The following STXBP5L variants were observed in gnomAD, a reference collection of about 807,000 sequenced individuals.
STXBP5L encodes the protein syntaxin binding protein 5L, also known as syntaxin-binding protein 5-like.
Under a neutral mutation model 144.5 loss-of-function variants are expected in STXBP5L, and 65 were observed. That is an observed-to-expected ratio of 0.45 (90% CI 0.37 to 0.55). STXBP5L has a LOEUF of 0.55. Ranked by LOEUF, STXBP5L falls within the 20% of genes least tolerant of loss-of-function variation. STXBP5L has a pLI of 0.00. For missense variants in STXBP5L, 1,298 were observed against 1,405.5 expected (o/e 0.92, Z 1.22); for synonymous variants, 505 against 469.6 (o/e 1.08, Z -0.97).
intron 19 of STXBP5L, among the ~76,000 whole-genome samples, chr3:121,299,793 C>A (rs1232772375): frequency 6.6e-6 from 1 of 151,790 alleles, no homozygotes; most frequent in Non-Finnish European, 1.5e-5. Flanking sequence ...TCAAGACCAG[C>A]CGGACCAACA....
chr3:120,945,428 T>G (rs938031412), intron 2 of STXBP5L, among the ~76,000 whole-genome samples: 2 of 151,838 alleles, frequency 1.3e-5, no homozygotes, highest in African/African-American at 4.8e-5. Context: ...ATTAATATTA[T>G]TAAGTGAAAC....
At chr3:120,970,694 G>C (rs911614796) in intron 3 of STXBP5L, among the ~76,000 whole-genome samples, 1 of 152,008 alleles carries the variant, frequency 6.6e-6, no homozygotes, top group Non-Finnish European at 1.5e-5. Flanking sequence ...ATACCTGGAC[G>C]ATGTCTTCTT....
At chr3:120,990,211 G>T (rs182114731) in intron 3 of STXBP5L, among the ~76,000 whole-genome samples, 123 of 152,238 alleles carry the variant, frequency 8.1e-4, no homozygotes, top group Middle Eastern at 3.4e-3. Context: ...ATTCACAATT[G>T]CTTCAAAGAG....
At chr3:120,960,355 T>G (rs1210605553) in intron 3 of STXBP5L, among the ~76,000 whole-genome samples, 1 of 152,158 alleles carries the variant, frequency 6.6e-6, no homozygotes, top group Non-Finnish European at 1.5e-5. Flanking sequence ...GTGTGGCGAT[T>G]CCTCAGGGAT....
chr3:121,207,460 A>C (rs903212116), intron 10 of STXBP5L, among the ~76,000 whole-genome samples: 1 of 152,230 alleles, frequency 6.6e-6, no homozygotes, highest in Admixed American at 6.5e-5. Flanking sequence ...AGCAATGGCA[A>C]TAAAAGCCAA....
rs140803521 is a variant in STXBP5L at position 121,157,037 on chromosome 3, A to G, written c.754-467A>G. ...AACCTGAAAATATAAAAGAAAATTT[A>G]AACCTTTCTTGCTTTAAATTGATTT... is the stretch of plus-strand genomic sequence containing the variant. On this transcript the variant is annotated intron_variant, in intron 8 of 26. Transcript: ENST00000471454. Among the ~76,000 whole-genome samples, 690 of 152,188 alleles carry G rather than the reference A, an allele frequency of 4.5e-3. 4 individuals carry two copies. The highest frequency in any genetic ancestry group is 0.016 in the African/African-American group (659 of 41,554).
intron 20 of STXBP5L, among the ~76,000 whole-genome samples, chr3:121,374,014 C>T (rs2046110037): frequency 6.6e-6 from 1 of 152,186 alleles, no homozygotes; most frequent in African/African-American, 2.4e-5. Context: ...CCACCACTGA[C>T]ACCTGCATGT....
At chr3:121,091,484 G>C (rs1447302584) in intron 5 of STXBP5L, among the ~76,000 whole-genome samples, 2 of 152,150 alleles carry the variant, frequency 1.3e-5, no homozygotes, top group Admixed American at 6.6e-5. Flanking sequence ...ACTGGTGTGA[G>C]ATGATATCTC....
chr3:121,244,157 G>GA (rs1428451183), intron 14 of STXBP5L, among the ~76,000 whole-genome samples: 12 of 151,594 alleles, frequency 7.9e-5, no homozygotes, highest in Admixed American at 2.0e-4. Flanking sequence ...AATACAAATA[G>GA]AAAACTAAAC....
intron 5 of STXBP5L, among the ~76,000 whole-genome samples, chr3:121,050,349 T>G (rs1947870475): frequency 6.6e-6 from 1 of 152,160 alleles, no homozygotes. Flanking sequence ...TTAAAATAAG[T>G]AATGTAGCAG....
intron 12 of STXBP5L, among the ~76,000 whole-genome samples, chr3:121,237,894 A>G (rs1013884580): frequency 1.3e-5 from 2 of 152,178 alleles, no homozygotes; most frequent in Non-Finnish European, 2.9e-5. Context: ...TCCAGTTCCA[A>G]TAAGTTCCTA....
chr3:121,037,899 G>T (rs1161964297), intron 3 of STXBP5L, among the ~76,000 whole-genome samples: 4 of 151,758 alleles, frequency 2.6e-5, no homozygotes, highest in Non-Finnish European at 5.9e-5. Context: ...GTCTTTCTGG[G>T]AATTTGTCCA....
intron 3 of STXBP5L, among the ~76,000 whole-genome samples, chr3:121,001,984 A>T (rs931159754): frequency 6.6e-6 from 1 of 152,214 alleles, no homozygotes; most frequent in Admixed American, 6.5e-5. Context: ...TTGTTCTCAT[A>T]TTATGGCTAT....
At chr3:121,179,512 A>C (rs2108097363) in intron 9 of STXBP5L, among the ~76,000 whole-genome samples, 1 of 152,310 alleles carries the variant, frequency 6.6e-6, no homozygotes, top group South Asian at 2.1e-4. Context: ...AATTCTGATA[A>C]TATGACAAAA....
chr3:121,105,264 C>T (rs1009560960), intron 5 of STXBP5L, among the ~76,000 whole-genome samples: 1 of 151,846 alleles, frequency 6.6e-6, no homozygotes, highest in Non-Finnish European at 1.5e-5. Context: ...GGTGTGGTGG[C>T]GTGCTCCTGT....
At chr3:121,100,822 A>G (rs1171087315) in intron 5 of STXBP5L, among the ~76,000 whole-genome samples, 2 of 151,976 alleles carry the variant, frequency 1.3e-5, no homozygotes, top group African/African-American at 2.4e-5. Context: ...GTTCTTTGAA[A>G]GAATAAATAT....
Position 121,422,922 on chromosome 3 carries a change from A to T in STXBP5L, c.*3825A>T, listed in dbSNP as rs138946310. On this transcript the variant is annotated 3_prime_UTR_variant, in exon 27 of 27. Transcript: ENST00000471454. ...GATCACCATGACTTTGAGAGAAAAA[A>T]GAATCAGATTAGGCCTAACATTGGT... is the stretch of plus-strand genomic sequence containing the variant. 6.6e-6 allele frequency: 1 copy of T among 152,186 alleles called. No individual in the cohort carries two copies. Among genetic ancestry groups the T allele is most frequent in the African/African-American group, 2.4e-5 (1 of 41,522 alleles). 9.4% of individuals were successfully genotyped at this position (152,186 alleles called of 1,614,324 possible). A position where few individuals can be genotyped will look rare whatever the true frequency, so the allele number is the denominator to read the frequency against.
At chr3:121,340,472 C>A (rs1286926484) in intron 20 of STXBP5L, among the ~76,000 whole-genome samples, 2 of 151,858 alleles carry the variant, frequency 1.3e-5, no homozygotes, top group Non-Finnish European at 2.9e-5. Flanking sequence ...CTAATGCTAT[C>A]CTTCCCCCAG....
At chr3:121,313,119 G>GT (rs1265872292) in intron 19 of STXBP5L, among the ~76,000 whole-genome samples, 2 of 144,988 alleles carry the variant, frequency 1.4e-5, no homozygotes, top group Non-Finnish European at 3.0e-5. Flanking sequence ...CCCAGACGGG[G>GT]CGGCTGGCCA....
Sources: gnomAD v4.1 joint callset for allele counts (sites outside exome capture counted in the v4.1 genomes callset) on GRCh38, gnomAD v4.1.1 for gene constraint, MANE v1.5 for transcripts, NCBI Gene and HGNC (gene_info 2026-07-23, HGNC 2026-07-21) for gene names.